GAS2: variants seen among roughly 807,000 people sequenced by gnomAD.
The protein encoded by GAS2 is growth arrest specific 2.
In GAS2, 20 loss-of-function variants were observed where a neutral mutation model predicts 37.5. That is an observed-to-expected ratio of 0.53 (90% confidence interval 0.37 to 0.77). The LOEUF is 0.77. Ranked by LOEUF, GAS2 falls within the 30% of genes least tolerant of loss-of-function variation. GAS2 has a pLI of 0.00. For missense variants in GAS2, 336 were observed against 373.4 expected, an observed-to-expected ratio of 0.90 and a Z score of 0.82; for synonymous variants, 144 against 132.2, an observed-to-expected ratio of 1.09 and a Z score of -0.61.
At chr11:22,720,408 CT>C (rs1218566181) in intron 3 of GAS2, among the ~76,000 whole-genome samples, 1 of 151,784 alleles carries the variant, frequency 6.6e-6, no homozygotes, top group Non-Finnish European at 1.5e-5. Context: ...TTTTTTTTCC[CT>C]TTTTAAACAT....
chr11:22,735,224 CTT>C (rs397750049), intron 4 of GAS2, among the ~76,000 whole-genome samples: 2 of 109,164 alleles, frequency 1.8e-5, no homozygotes, highest in Middle Eastern at 7.2e-3. Flanking sequence ...ACCAATCATT[CTT>C]TTTTTTTTTT....
chr11:22,681,053 C>T (rs2133919628), intron 2 of GAS2, among the ~76,000 whole-genome samples: 1 of 152,284 alleles, frequency 6.6e-6, no homozygotes, highest in Admixed American at 6.5e-5. Context: ...ATAATAAGAA[C>T]TCAACTGTTA....
chr11:22,808,003 G>T (rs866316491), intron 7 of GAS2, among the ~76,000 whole-genome samples: 2 of 152,116 alleles, frequency 1.3e-5, no homozygotes, highest in Non-Finnish European at 2.9e-5. Context: ...TTTTAAGACT[G>T]GGAGGGTCAA....
chr11:22,748,867 T>G (rs1367386119), intron 5 of GAS2, among the ~76,000 whole-genome samples: 1 of 152,052 alleles, frequency 6.6e-6, no homozygotes, highest in East Asian at 1.9e-4. Context: ...TTGCATTGAG[T>G]GTTTTTATTT....
intron 7 of GAS2, among the ~76,000 whole-genome samples, chr11:22,787,760 C>T (rs1226369319): frequency 6.6e-6 from 1 of 152,162 alleles, no homozygotes; most frequent in African/African-American, 2.4e-5. Context: ...TAATGTGCTG[C>T]TGCCACCTAG....
At chr11:22,739,414 A>C (rs1852933768) in intron 5 of GAS2, among the ~76,000 whole-genome samples, 1 of 151,778 alleles carries the variant, frequency 6.6e-6, no homozygotes, top group Non-Finnish European at 1.5e-5. Context: ...CTATACTAAA[A>C]ATACAAAAAA....
At chr11:22,736,004 T>A (rs1241441594) in intron 4 of GAS2, among the ~76,000 whole-genome samples, 5 of 143,742 alleles carry the variant, frequency 3.5e-5, no homozygotes, top group Non-Finnish European at 4.6e-5. Context: ...ATGGATATGT[T>A]AAAAAAAAAA....
intron 3 of GAS2, among the ~76,000 whole-genome samples, chr11:22,699,381 T>A (rs773063770): frequency 6.6e-6 from 1 of 152,074 alleles, no homozygotes; most frequent in Non-Finnish European, 1.5e-5. Flanking sequence ...ACAGGTAGAT[T>A]TTTTAAATCT....
chr11:22,652,083 A>G (rs567252501), intron 1 of GAS2, among the ~76,000 whole-genome samples: 27 of 152,264 alleles, frequency 1.8e-4, no homozygotes, highest in Non-Finnish European at 3.1e-4. Context: ...ATGGTGATGT[A>G]CAGATGGGTT....
intron 1 of GAS2, among the ~76,000 whole-genome samples, chr11:22,634,721 C>T (rs1858797686): frequency 6.6e-6 from 1 of 152,096 alleles, no homozygotes; most frequent in Non-Finnish European, 1.5e-5. Flanking sequence ...TGGAAGGGAT[C>T]CAGTGATAGG....
rs1412529529 is a variant in GAS2 at position 22,726,279 on chromosome 11, C to A, written c.268-13C>A. The A allele has an allele frequency of 6.3e-7, 1 of 1,583,464 alleles. No individual in the cohort carries two copies. The highest frequency in any genetic ancestry group is 1.2e-5 in the South Asian group (1 of 85,386). ...GACAGATTTCTCCTAGAACGAATTT[C>A]TTTATTTTTCAGAATCTACCGTTGA... On this transcript the variant is annotated splice_polypyrimidine_tract_variant and intron_variant, in intron 3 of 7. Transcript: ENST00000454584.
At chr11:22,795,703 G>A (rs891282792) in intron 7 of GAS2, among the ~76,000 whole-genome samples, 1 of 152,092 alleles carries the variant, frequency 6.6e-6, no homozygotes, top group Non-Finnish European at 1.5e-5. Context: ...AGGCTATTGG[G>A]ATAGCTCTGT....
intron 2 of GAS2, among the ~76,000 whole-genome samples, chr11:22,683,029 G>T (rs1225235649): frequency 1.3e-5 from 2 of 151,976 alleles, no homozygotes; most frequent in Non-Finnish European, 2.9e-5. Context: ...TAAAAGTTCT[G>T]CACAGGCTAC....
At chr11:22,801,629 T>C (rs991240532) in intron 7 of GAS2, among the ~76,000 whole-genome samples, 2 of 152,106 alleles carry the variant, frequency 1.3e-5, no homozygotes, top group Non-Finnish European at 2.9e-5. Context: ...AGGAAAATAA[T>C]TTTTGAAATA....
At chr11:22,711,943 CAT>C (rs1270184964) in intron 3 of GAS2, among the ~76,000 whole-genome samples, 1 of 152,120 alleles carries the variant, frequency 6.6e-6, no homozygotes, top group Non-Finnish European at 1.5e-5. Flanking sequence ...AGACAAAAGA[CAT>C]AATCTCTTGG....
intron 7 of GAS2, among the ~76,000 whole-genome samples, chr11:22,805,047 G>T (rs561621081): frequency 1.5e-4 from 23 of 152,062 alleles, no homozygotes; most frequent in African/African-American, 5.5e-4. Flanking sequence ...TTGCTTTTAG[G>T]TTAAACAGTG....
At chr11:22,631,946 CTTTTTTTT>C (rs35928910) in intron 1 of GAS2, among the ~76,000 whole-genome samples, 2 of 82,968 alleles carry the variant, frequency 2.4e-5, no homozygotes, top group Non-Finnish European at 4.8e-5. Flanking sequence ...TGGCCCTGGA[CTTTTTTTT>C]TTTTTTTTTT....
chr11:22,637,185 G>A (rs1404665205), intron 1 of GAS2, among the ~76,000 whole-genome samples: 2 of 120,818 alleles, frequency 1.7e-5, no homozygotes, highest in East Asian at 5.7e-4. Context: ...TATTACTTAT[G>A]TTAATATTAT....
In GAS2 at chr11:22,812,316, GATAA is replaced by G; in HGVS notation, c.*305_*308del. The G allele has an allele frequency of 8.9e-6, 2 of 224,130 alleles. No homozygotes were observed. The highest frequency in any genetic ancestry group is 8.7e-6 in the Non-Finnish European group (1 of 114,724). 13.9% of individuals were successfully genotyped at this position (224,130 alleles called of 1,614,324 possible). A position where few individuals can be genotyped will look rare whatever the true frequency, so the allele number is the denominator to read the frequency against. On this transcript the variant is annotated 3_prime_UTR_variant, in exon 8 of 8. Coordinates refer to ENST00000454584, the MANE Select transcript of GAS2 (RefSeq NM_001143830.3). ...TATTAGAAACACAATTCTAACTAAA[GATAA>G]ATAAGGAGAAAACATTTAGGATTTG...
Sources: allele counts gnomAD v4.1 joint callset (sites outside exome capture counted in the v4.1 genomes callset), GRCh38; gene constraint gnomAD v4.1.1; transcripts MANE v1.5; gene names NCBI Gene and HGNC (gene_info 2026-07-23, HGNC 2026-07-21).